Variants in PKNOX2 observed in about 807,000 individuals in gnomAD.
PKNOX2 encodes PBX/knotted 1 homeobox 2.
In PKNOX2, 14 loss-of-function variants were observed where a neutral mutation model predicts 53.1. That is an observed-to-expected ratio of 0.26 (90% CI 0.17 to 0.41). The LOEUF (loss-of-function observed/expected upper bound fraction) is 0.41. Ranked by LOEUF, PKNOX2 falls within the 10% of genes least tolerant of loss-of-function variation. The pLI is 1.00. For missense variants in PKNOX2, 496 were observed against 602.8 expected, an observed-to-expected ratio of 0.82 and a Z score of 1.85; for synonymous variants, 257 against 242.8, an observed-to-expected ratio of 1.06 and a Z score of -0.54.
At chr11:125,385,063 T>A (rs1445574734) in intron 5 of PKNOX2, among the ~76,000 whole-genome samples, 1 of 152,120 alleles carries the variant, frequency 6.6e-6, no homozygotes, top group Non-Finnish European at 1.5e-5. Context: ...CTCACGTATG[T>A]CTCCTGCATG....
chr11:125,351,327 GC>G lies in PKNOX2; in HGVS notation c.27del (p.Ala10LeufsTer2). The G allele has an allele frequency of 6.2e-7, 1 of 1,606,382 alleles. No homozygotes were observed. ...TCCCATGATGCAACATGCCTCCCCA[GC>G]CCCCGCTCTGACGATGATGGCCACG... MMQHASP[A>X]PALTMMATQN... On this transcript the variant is annotated frameshift_variant, in exon 4 of 13. Coordinates refer to ENST00000298282, the MANE Select transcript of PKNOX2 (RefSeq NM_001382323.2). LOFTEE classifies it high-confidence loss of function.
intron 2 of PKNOX2, among the ~76,000 whole-genome samples, chr11:125,278,894 G>A (rs995139562): frequency 1.3e-4 from 20 of 152,206 alleles, no homozygotes; most frequent in African/African-American, 4.3e-4. Flanking sequence ...CAGAACAGAG[G>A]CAGGCATAGA....
intron 2 of PKNOX2, among the ~76,000 whole-genome samples, chr11:125,290,677 A>C (rs144852178): frequency 6.6e-6 from 1 of 152,200 alleles, no homozygotes; most frequent in African/African-American, 2.4e-5. Context: ...TTCAACAAAC[A>C]CTAGGTCCTG....
At chr11:125,371,367 C>A (rs1167883212) in intron 5 of PKNOX2, among the ~76,000 whole-genome samples, 1 of 152,138 alleles carries the variant, frequency 6.6e-6, no homozygotes, top group African/African-American at 2.4e-5. Context: ...GCCCCCACCT[C>A]AACCCTGGGG....
intron 1 of PKNOX2, among the ~76,000 whole-genome samples, chr11:125,177,770 A>C (rs1395391539): frequency 2.6e-5 from 4 of 152,136 alleles, no homozygotes; most frequent in Non-Finnish European, 5.9e-5. Context: ...CTCTCTGGGG[A>C]GCACAGCTAG....
At chr11:125,410,044 C>A in intron 7 of PKNOX2, 152 bp from the exon 8 acceptor site, 5 of 1,031,850 alleles carry the variant, frequency 4.8e-6, no homozygotes, top group Non-Finnish European at 6.9e-6. Context: ...TCTAGGAAAC[C>A]AAGAGAGTTG....
At chr11:125,256,041 C>A (rs1473118885) in intron 2 of PKNOX2, among the ~76,000 whole-genome samples, 1 of 152,020 alleles carries the variant, frequency 6.6e-6, no homozygotes, top group Non-Finnish European at 1.5e-5. Flanking sequence ...CTCCTCGGCC[C>A]TGAGTTCTCC....
chr11:125,381,283 G>A (rs1235477322), intron 5 of PKNOX2, among the ~76,000 whole-genome samples: 2 of 152,154 alleles, frequency 1.3e-5, no homozygotes, highest in African/African-American at 4.8e-5. Flanking sequence ...GCCAGACGCT[G>A]GAGCATGGGG....
At chr11:125,215,283 G>A (rs146959636) in intron 1 of PKNOX2, among the ~76,000 whole-genome samples, 305 of 152,170 alleles carry the variant, frequency 2.0e-3, no homozygotes, top group African/African-American at 6.6e-3. Context: ...AAGGCTGGGG[G>A]CCATGGAGAG....
intron 10 of PKNOX2, among the ~76,000 whole-genome samples, chr11:125,414,308 C>A (rs935355728): frequency 6.6e-6 from 1 of 152,230 alleles, no homozygotes. Flanking sequence ...TCTGCCCACA[C>A]TTTCCCACCC....
In PKNOX2 at chr11:125,195,755, T is replaced by G. The variant is rs144912677; in HGVS notation, c.-201+30979T>G. 9.7e-3 allele frequency among the ~76,000 whole-genome samples: 1,476 copies of G among 152,278 alleles called. 12 individuals are homozygous for G. The highest frequency in any genetic ancestry group is 0.013 in the Non-Finnish European group (904 of 68,018). ...CCAGTGGGGCAGTCCCATCGGCAGA[T>G]GGCAATGCCTGATAATTTCTCCAAC... On this transcript the variant is annotated intron_variant, in intron 1 of 12. Transcript: ENST00000298282.
In PKNOX2 at chr11:125,215,030, C is replaced by G. The variant is rs898131195; in HGVS notation, c.-200-20015C>G. Among the ~76,000 whole-genome samples the G allele has an allele frequency of 2.8e-4, 43 of 151,884 alleles. 1 individual carries two copies. Among genetic ancestry groups the G allele is most frequent in the Non-Finnish European group, 7.4e-5 (5 of 67,938 alleles). On this transcript the variant is annotated intron_variant, in intron 1 of 12. Transcript: ENST00000298282. ...GAGAAATCTGTGGTGGGAGAGCGTC[C>G]GCGAAGGAAATAAAATCTCCATGAA... is the stretch of plus-strand genomic sequence containing the variant.
intron 2 of PKNOX2, among the ~76,000 whole-genome samples, chr11:125,263,527 C>T (rs1209241052): frequency 1.3e-5 from 2 of 152,264 alleles, no homozygotes; most frequent in Non-Finnish European, 2.9e-5. Context: ...TGTCGGTTTC[C>T]ATAGCAACCA....
At chr11:125,359,213 C>T (rs1292049214) in intron 4 of PKNOX2, among the ~76,000 whole-genome samples, 3 of 148,832 alleles carry the variant, frequency 2.0e-5, no homozygotes, top group Non-Finnish European at 2.9e-5. Flanking sequence ...GGGAGGAGGG[C>T]TGTGCAGGTG....
chr11:125,292,592 AG>A (rs1947371335), intron 2 of PKNOX2, among the ~76,000 whole-genome samples: 1 of 152,176 alleles, frequency 6.6e-6, no homozygotes, highest in Admixed American at 6.5e-5. Context: ...TCTTGCTACA[AG>A]GCTGGGTTCC....
chr11:125,171,105 C>T, intron 1 of PKNOX2, among the ~76,000 whole-genome samples: 1 of 152,182 alleles, frequency 6.6e-6, no homozygotes, highest in Non-Finnish European at 1.5e-5. Context: ...CAATTTACAT[C>T]TCTACTCACA....
intron 10 of PKNOX2, among the ~76,000 whole-genome samples, chr11:125,418,832 C>T (rs78677268): frequency 0.076 from 11,560 of 152,004 alleles, 550 homozygotes; most frequent in African/African-American, 0.099. Context: ...TGTCATTATT[C>T]CCTAAACAAC....
intron 1 of PKNOX2, among the ~76,000 whole-genome samples, chr11:125,182,909 C>G (rs1022696044): frequency 3.3e-5 from 5 of 152,194 alleles, no homozygotes; most frequent in Admixed American, 2.0e-4. Flanking sequence ...GTGTCTTTTT[C>G]CCCTTTCCCT....
In PKNOX2 at chr11:125,422,659, C is replaced by G. The variant is rs1956228474; in HGVS notation, c.937-6353C>G. Among the ~76,000 whole-genome samples the G allele has an allele frequency of 6.6e-6, 1 of 152,248 alleles. No homozygotes were observed. Among genetic ancestry groups the G allele is most frequent in the South Asian group, 2.1e-4 (1 of 4,824 alleles). On this transcript the variant is annotated intron_variant, in intron 10 of 12. Coordinates refer to ENST00000298282, the MANE Select transcript of PKNOX2 (RefSeq NM_001382323.2). This position sits in a 1 kb window ranked among gnomAD's most constrained non-coding sequence, Gnocchi z 4.1. ...GAAAAGGGAAGGTGTGCAAGAGACC[C>G]CTGGGTTGCACTGAGCCCCAGGACA... is the stretch of plus-strand genomic sequence containing the variant.
Sources: gnomAD v4.1 joint callset for allele counts (sites outside exome capture counted in the v4.1 genomes callset) on GRCh38, gnomAD v4.1.1 for gene constraint, Gnocchi (gnomAD v3.1) non-coding constraint, MANE v1.5 for transcripts, NCBI Gene and HGNC (gene_info 2026-07-23, HGNC 2026-07-21) for gene names.